PCDHA5: variants seen among roughly 807,000 people sequenced by gnomAD.
PCDHA5 encodes protocadherin alpha 5, also known as protocadherin alpha-5.
A neutral mutation model predicts 61.6 loss-of-function variants in PCDHA5; 43 were observed. The observed-to-expected ratio is 0.70, with a 90% CI of 0.55 to 0.90. The LOEUF is 0.90. PCDHA5 is among the 40% of genes least tolerant of loss of function. PCDHA5 has a pLI of 0.00. For missense variants in PCDHA5, 1,298 were observed against 1,222.7 expected, an observed-to-expected ratio of 1.06 and a Z score of -0.92; for synonymous variants, 627 against 543.9, an observed-to-expected ratio of 1.15 and a Z score of -2.13.
intron 1 of PCDHA5, among the ~76,000 whole-genome samples, chr5:140,913,656 T>A (rs2076420236): frequency 6.6e-6 from 1 of 152,152 alleles, no homozygotes; most frequent in African/African-American, 2.4e-5. Context: ...TTCTTTAAGA[T>A]GTATAGTTAG....
At chr5:140,843,007 GC>G in intron 1 of PCDHA5, 1 of 1,594,980 alleles carries the variant, frequency 6.3e-7, no homozygotes, top group Non-Finnish European at 8.6e-7. Flanking sequence ...ATGACAACGC[GC>G]CGGCACTGCT....
At chr5:140,857,348 CT>C (rs2044532824) in intron 1 of PCDHA5, 1 of 1,598,398 alleles carries the variant, frequency 6.3e-7, no homozygotes, top group Non-Finnish European at 8.6e-7. Flanking sequence ...CTCGCCTCCG[CT>C]GTGGGCCACG....
At chr5:140,850,542 T>G (rs1554144492) in intron 1 of PCDHA5, 1 of 1,597,608 alleles carries the variant, frequency 6.3e-7, no homozygotes, top group Non-Finnish European at 8.6e-7. Flanking sequence ...GTCGCGGGCG[T>G]CAGTGGGTGC....
chr5:140,864,342 C>A (rs1374000781), intron 1 of PCDHA5: 2 of 152,062 alleles, frequency 1.3e-5, no homozygotes, highest in African/African-American at 4.8e-5. Context: ...GAGTTTAAAA[C>A]ATGTTTAAAT....
intron 3 of PCDHA5, among the ~76,000 whole-genome samples, chr5:140,993,108 G>A (rs1554253416): frequency 6.6e-6 from 1 of 152,202 alleles, no homozygotes; most frequent in African/African-American, 2.4e-5. Flanking sequence ...TCAGCGGTCA[G>A]TGTCACATCA....
intron 3 of PCDHA5, among the ~76,000 whole-genome samples, chr5:140,988,057 C>T (rs557714672): frequency 6.6e-6 from 1 of 152,188 alleles, no homozygotes; most frequent in Non-Finnish European, 1.5e-5. Context: ...GCACTGTCAA[C>T]ATGAATTTTT....
intron 1 of PCDHA5, chr5:140,882,792 A>C (rs367665995): frequency 6.2e-7 from 1 of 1,614,144 alleles, no homozygotes; most frequent in Non-Finnish European, 8.5e-7. Flanking sequence ...CTGGATCCCA[A>C]CGATTATTTC....
chr5:140,930,781 CAATAT>C (rs1259470112), intron 1 of PCDHA5, among the ~76,000 whole-genome samples: 2 of 152,048 alleles, frequency 1.3e-5, no homozygotes, highest in African/African-American at 4.8e-5. Context: ...AATATTTTCA[CAATAT>C]AATAGAATCC....
intron 1 of PCDHA5, chr5:140,834,672 G>C (rs2150223944): frequency 8.1e-6 from 13 of 1,614,118 alleles, no homozygotes; most frequent in Middle Eastern, 1.6e-4. Context: ...GGAGCTGTGC[G>C]GGCGGAGCGC....
Position 140,822,446 on chromosome 5 carries a change from C to T in PCDHA5, c.671C>T (p.Thr224Ile). The T allele has an allele frequency of 6.2e-7, 1 of 1,613,574 alleles. No homozygotes were observed. Residue 224 changes from threonine to isoleucine, a missense_variant, in exon 1 of 4, where the codon ACA becomes ATA. Coordinates refer to ENST00000529859, the MANE Select transcript of PCDHA5 (RefSeq NM_018908.3). The stretch of plus-strand genomic sequence containing the variant: ...GGAGGAAAACCCGAACTAACAGGTA[C>T]AGTTCAGTTGTTGATCAATGTATTG... ...TDGGKPELTGTVQLLINVLDA... is the reference protein window; with the variant it reads ...TDGGKPELTGIVQLLINVLDA...
intron 1 of PCDHA5, among the ~76,000 whole-genome samples, chr5:140,953,105 G>A (rs191289853): frequency 5.3e-5 from 8 of 152,214 alleles, no homozygotes; most frequent in Non-Finnish European, 1.2e-4. Flanking sequence ...ATGAGATTTG[G>A]GCAGGGACAC....
chr5:141,007,981 T>C (rs1346324109), intron 3 of PCDHA5, among the ~76,000 whole-genome samples: 1 of 152,260 alleles, frequency 6.6e-6, no homozygotes, highest in African/African-American at 2.4e-5. Context: ...GTCATGTATA[T>C]ATGAAATGTA....
chr5:140,860,534 AAGAC>A, intron 1 of PCDHA5: 1 of 152,306 alleles, frequency 6.6e-6, no homozygotes, highest in Middle Eastern at 3.4e-3. Flanking sequence ...TCTGATTTGT[AAGAC>A]AAACCCACCT....
intron 1 of PCDHA5, chr5:140,869,555 G>C (rs2051240207): frequency 6.2e-7 from 1 of 1,614,054 alleles, no homozygotes; most frequent in Non-Finnish European, 8.5e-7. Flanking sequence ...TCGGACTCGC[G>C]TTTTCCACTA....
intron 1 of PCDHA5, among the ~76,000 whole-genome samples, chr5:140,913,410 C>A (rs375204256): frequency 6.6e-6 from 1 of 152,040 alleles, no homozygotes; most frequent in Non-Finnish European, 1.5e-5. Flanking sequence ...CCTTTGAATT[C>A]CTGCAGTATC....
chr5:140,834,721 C>T (rs2150224932), intron 1 of PCDHA5: 2 of 1,614,104 alleles, frequency 1.2e-6, no homozygotes, highest in African/African-American at 2.7e-5. Flanking sequence ...GTGGAAAGGC[C>T]GCTGCAGGTT....
intron 1 of PCDHA5, chr5:140,851,727 T>C (rs1216544821): frequency 1.0e-6 from 1 of 969,522 alleles, no homozygotes; most frequent in Non-Finnish European, 1.2e-6. Flanking sequence ...AACTTCGAGT[T>C]CTTTTGAAAT....
At chr5:140,990,176 T>G (rs1294066255) in intron 3 of PCDHA5, among the ~76,000 whole-genome samples, 1 of 152,142 alleles carries the variant, frequency 6.6e-6, no homozygotes, top group Non-Finnish European at 1.5e-5. Context: ...AAAAGGTGAC[T>G]TTTAAGAACC....
At chr5:140,926,752 C>G in intron 1 of PCDHA5, 2 of 1,254,462 alleles carry the variant, frequency 1.6e-6, no homozygotes, top group East Asian at 5.7e-5. Flanking sequence ...CGTCGGCGGT[C>G]GCTGAGTATC....
Sources: gnomAD v4.1 joint callset for allele counts (sites outside exome capture counted in the v4.1 genomes callset) on GRCh38, gnomAD v4.1.1 for gene constraint, MANE v1.5 for transcripts, NCBI Gene and HGNC (gene_info 2026-07-23, HGNC 2026-07-21) for gene names.